Variants in CCNE1 observed in about 807,000 individuals in gnomAD.
CCNE1 encodes cyclin E1, also known as G1/S-specific cyclin-E1.
A neutral mutation model predicts 54.1 loss-of-function variants in CCNE1; 8 were observed. The observed-to-expected ratio is 0.15, with a 90% confidence interval of 0.09 to 0.27. The LOEUF (loss-of-function observed/expected upper bound fraction) is 0.27, where lower values mean the gene tolerates loss of function less well. Among genes scored for constraint, CCNE1 ranks in the 10% least tolerant of loss-of-function variants. The pLI is 1.00. For synonymous variants in CCNE1, 179 were observed against 185.2 expected, an observed-to-expected ratio of 0.97 and a Z score of 0.27; for missense variants, 430 against 514.9, an observed-to-expected ratio of 0.84 and a Z score of 1.60.
chr19:29,818,448 C>T (rs1974078092), intron 6 of CCNE1, among the ~76,000 whole-genome samples: 1 of 152,200 alleles, frequency 6.6e-6, no homozygotes, highest in Non-Finnish European at 1.5e-5. Flanking sequence ...GTGTGAGCCA[C>T]CATGCCCAGC....
rs1284831314 is a variant in CCNE1, at chr19:29,812,578, G to A, written c.23G>A (p.Arg8Gln). 6.6e-7 allele frequency: 1 copy of A among 1,520,764 alleles called. No homozygotes were observed. The highest frequency in any genetic ancestry group is 8.8e-7 in the Non-Finnish European group (1 of 1,137,430). 94.2% of individuals were successfully genotyped at this position (1,520,764 alleles called of 1,614,324 possible). ...ATCATGCCGAGGGAGCGCAGGGAGCGGTGAGTGCCCGCGCCGCGGGGCCGG... is the reference window on the plus strand; with the variant it reads ...ATCATGCCGAGGGAGCGCAGGGAGCAGTGAGTGCCCGCGCCGCGGGGCCGG... MPRERRERDAKERDTMKE... is the reference protein window; with the variant it reads MPRERREQDAKERDTMKE... Residue 8 changes from arginine (R) to glutamine (Q), a missense_variant and splice_region_variant, in exon 2 of 12, where the codon CGG becomes CAG. Transcript: ENST00000262643.
intron 6 of CCNE1, 53 bp from the exon 7 acceptor site, chr19:29,820,649 C>A: frequency 7.9e-7 from 1 of 1,269,820 alleles, no homozygotes; most frequent in Non-Finnish European, 1.1e-6. Flanking sequence ...TTTTTTTTTC[C>A]CCTCCCTCAA....
intron 7 of CCNE1, among the ~76,000 whole-genome samples, chr19:29,821,411 T>A (rs1974142213): frequency 6.6e-6 from 1 of 151,998 alleles, no homozygotes; most frequent in African/African-American, 2.4e-5. Context: ...AGATTAAAAA[T>A]TTGTGTATGA....
chr19:29,817,145 C>A lies in CCNE1; in HGVS notation c.189C>A (p.Asp63Glu), dbSNP rs374431756. The A allele has an allele frequency of 3.7e-6, 6 of 1,613,836 alleles. No individual in the cohort carries two copies. The highest frequency in any genetic ancestry group is 5.1e-6 in the Non-Finnish European group (6 of 1,179,992). ...ARDQCGSQPW[D>E]NNAVCADPCS... is the part of the protein sequence containing the mutation. ...GTATTTTTCATTTACAGCCTTGGGA[C>A]AATAATGCAGTCTGTGCAGACCCCT... Residue 63 changes from aspartate to glutamate, a missense_variant, in exon 5 of 12, where the codon GAC becomes GAA. Coordinates refer to ENST00000262643, the MANE Select transcript of CCNE1 (RefSeq NM_001238.4).
chr19:29,822,959 G>C (rs1021713444), intron 11 of CCNE1, among the ~76,000 whole-genome samples: 59 of 150,724 alleles, frequency 3.9e-4, no homozygotes, highest in Non-Finnish European at 7.5e-4. Context: ...AAAAAAAACT[G>C]CCTAAATAAC....
Position 29,824,160 on chromosome 19 carries a change from G to T in CCNE1, c.*383G>T, listed in dbSNP as rs577392030. 7.5e-6 allele frequency: 2 copies of T among 267,862 alleles called. No individual in the cohort carries two copies. The highest frequency in any genetic ancestry group is 3.0e-4 in the South Asian group (2 of 6,750). The allele number at this position is 267,862 out of a possible 1,614,324, so 16.6% of individuals were successfully genotyped here. A position where few individuals can be genotyped will look rare whatever the true frequency, so the allele number is the denominator to read the frequency against. ...TGTACCAAGTGGAGCAGGTGGTTGC[G>T]GGCAAGCGTTGTGCAGAGCCCATAG... On this transcript the variant is annotated 3_prime_UTR_variant, in exon 12 of 12. Coordinates refer to ENST00000262643, the MANE Select transcript of CCNE1 (RefSeq NM_001238.4).
intron 2 of CCNE1, 46 bp downstream of exon 2, chr19:29,812,624 A>G (rs1370548461): frequency 1.3e-6 from 2 of 1,546,842 alleles, no homozygotes; most frequent in African/African-American, 1.4e-5. Context: ...ACGGGACGGG[A>G]CGGGTGGCGT....
intron 6 of CCNE1, 144 bp from the exon 7 acceptor site, chr19:29,820,558 C>A (rs1334958369): frequency 3.1e-5 from 19 of 610,906 alleles, no homozygotes; most frequent in South Asian, 1.6e-4. Flanking sequence ...AAAAAAAAAA[C>A]AAAAAAACAA....
At position 29,823,658 on chromosome 19, in the gene CCNE1, A is replaced by G; in HGVS notation, c.1114A>G (p.Lys372Glu). The change falls in exon 12 of 12, where the codon AAA becomes GAA. Residue 372 changes from lysine to glutamate, a missense_variant. Lys to Glu is a moderately conservative substitution (Grantham distance 56). Transcript: ENST00000262643. ...THRDSLDLLD[K>E]ARAKKAMLSE... The stretch of plus-strand genomic sequence containing the variant: ...TCCCTTTTATTCTTACCAACAGGAC[A>G]AAGCCCGAGCAAAGAAAGCCATGTT... The G allele has an allele frequency of 6.2e-7, 1 of 1,614,108 alleles. No homozygotes were observed. The highest frequency in any genetic ancestry group is 8.5e-7 in the Non-Finnish European group (1 of 1,179,958).
At chr19:29,820,472 G>T (rs1974121782) in intron 6 of CCNE1, among the ~76,000 whole-genome samples, 1 of 151,884 alleles carries the variant, frequency 6.6e-6, no homozygotes, top group Non-Finnish European at 1.5e-5. Context: ...AATCGCTTGA[G>T]CCTGGAAGTT....
intron 11 of CCNE1, among the ~76,000 whole-genome samples, chr19:29,822,926 A>G (rs1044400076): frequency 9.5e-5 from 14 of 147,684 alleles, no homozygotes; most frequent in African/African-American, 3.1e-4. Context: ...CCTGGGCAAC[A>G]GAGCGAAACT....
intron 6 of CCNE1, among the ~76,000 whole-genome samples, chr19:29,817,962 G>T (rs2145723166): frequency 7.1e-6 from 1 of 141,692 alleles, no homozygotes; most frequent in East Asian, 2.3e-4. Flanking sequence ...ACGGGTTCAA[G>T]TGACTTTCCT....
In CCNE1 at chr19:29,817,513, G is replaced by A. The variant is rs2145722501; in HGVS notation, c.434G>A (p.Arg145Gln). The A allele has an allele frequency of 6.2e-7, 1 of 1,614,166 alleles. No individual in the cohort carries two copies. The highest frequency in any genetic ancestry group is 8.5e-7 in the Non-Finnish European group (1 of 1,180,026). ...EQHPLLQPKM[R>Q]AILLDWLMEV... ...CACCCTCTTCTGCAGCCAAAAATGC[G>A]AGCAATTCTTCTGGATTGGTTAATG... Residue 145 changes from arginine (R) to glutamine (Q), a missense_variant, in exon 6 of 12, where the codon CGA (arginine) becomes CAA (glutamine). This residue lies in a region of CCNE1 where 303 missense variants were observed against 401.1 expected (regional missense o/e 0.76). Coordinates refer to ENST00000262643, the MANE Select transcript of CCNE1 (RefSeq NM_001238.4).
At chr19:29,812,603 G>A (rs1197338513) in intron 2 of CCNE1, 25 bp downstream of exon 2, 2 of 1,523,542 alleles carry the variant, frequency 1.3e-6, no homozygotes, top group African/African-American at 2.8e-5. Flanking sequence ...CGCGGGGCCG[G>A]ACGGGACGGG....
chr19:29,814,404 AG>A (rs1387528380), intron 4 of CCNE1, among the ~76,000 whole-genome samples: 2 of 152,166 alleles, frequency 1.3e-5, no homozygotes, highest in African/African-American at 4.8e-5. Flanking sequence ...AGCAGTGACG[AG>A]GGTGCCTCCT....
In CCNE1 at chr19:29,823,980, G is replaced by T. The variant is rs1438170629; in HGVS notation, c.*203G>T. The T allele has an allele frequency of 8.2e-6, 4 of 487,968 alleles. No homozygotes were observed. The highest frequency in any genetic ancestry group is 1.4e-5 in the Non-Finnish European group (4 of 288,992). The allele number at this position is 487,968 out of a possible 1,614,324, so 30.2% of individuals were successfully genotyped here. On this transcript the variant is annotated 3_prime_UTR_variant, in exon 12 of 12. Coordinates refer to ENST00000262643, the MANE Select transcript of CCNE1 (RefSeq NM_001238.4). ...TTATAGGTTTTTTTTAAATAAGTGGGTCAAGTACACCAGCCACCTCCAGAC... is the reference window on the plus strand; with the variant it reads ...TTATAGGTTTTTTTTAAATAAGTGGTTCAAGTACACCAGCCACCTCCAGAC...
Position 29,824,184 on chromosome 19 carries a change from A to T in CCNE1, c.*407A>T, listed in dbSNP as rs2145733357. 1 of 256,116 alleles carries T rather than the reference A, an allele frequency of 3.9e-6. No individual in the cohort carries two copies. The highest frequency in any genetic ancestry group is 5.6e-5 in the East Asian group (1 of 17,768). The allele number at this position is 256,116 out of a possible 1,614,324, so 15.9% of individuals were successfully genotyped here. ...CGGGCAAGCGTTGTGCAGAGCCCAT[A>T]GCCAGCTGGGCAGGGGGCTGCCCTC... On this transcript the variant is annotated 3_prime_UTR_variant, in exon 12 of 12. Transcript: ENST00000262643.
intron 4 of CCNE1, 158 bp downstream of exon 4, chr19:29,813,195 G>C: frequency 4.7e-6 from 3 of 638,038 alleles, no homozygotes; most frequent in Non-Finnish European, 8.1e-6. Flanking sequence ...CCTGTCAGTG[G>C]GCACTGGCCT....
At chr19:29,821,619 CTCTT>C in intron 7 of CCNE1, 99 bp from the exon 8 acceptor site, 1 of 444,996 alleles carries the variant, frequency 2.2e-6, no homozygotes. Flanking sequence ...TGCGCCCTCT[CTCTT>C]TCCATGCCAG....
Sources: allele counts gnomAD v4.1 joint callset (sites outside exome capture counted in the v4.1 genomes callset), GRCh38; gene constraint gnomAD v4.1.1; regional missense constraint gnomAD v4.1.1; transcripts MANE v1.5; gene names NCBI Gene and HGNC (gene_info 2026-07-23, HGNC 2026-07-21).